Variants in PCSK6 observed in about 807,000 individuals in gnomAD.
PCSK6 encodes the protein proprotein convertase subtilisin/kexin type 6, also known as paired basic amino acid cleaving enzyme 4.
A neutral mutation model predicts 123.3 loss-of-function variants in PCSK6; 85 were observed. The observed-to-expected ratio is 0.69, with a 90% CI of 0.58 to 0.83. PCSK6 has a LOEUF of 0.83. PCSK6 is among the 40% of genes least tolerant of loss of function. PCSK6 has a pLI of 0.00. For missense variants in PCSK6, 1,191 were observed against 1,282.3 expected, an observed-to-expected ratio of 0.93 and a Z score of 1.09; for synonymous variants, 508 against 516.0, an observed-to-expected ratio of 0.98 and a Z score of 0.21.
At chr15:101,413,005 TGAGGAG>T (rs925761371) in intron 6 of PCSK6, among the ~76,000 whole-genome samples, 1,168 of 106,050 alleles carry the variant, frequency 0.011, 7 homozygotes, top group Admixed American at 0.013. Context: ...GGAGGAGGAG[TGAGGAG>T]GAGGAGGAGG....
intron 6 of PCSK6, among the ~76,000 whole-genome samples, chr15:101,411,680 G>A (rs1266206050): frequency 6.6e-6 from 1 of 152,108 alleles, no homozygotes; most frequent in Non-Finnish European, 1.5e-5. Flanking sequence ...ACAATAAGTA[G>A]GCCAAATACC....
intron 13 of PCSK6, chr15:101,365,102 G>C: frequency 2.8e-6 from 2 of 708,330 alleles, no homozygotes; most frequent in Non-Finnish European, 5.4e-6. Flanking sequence ...GGGTACAAAA[G>C]AATGAGTTTG....
Position 101,427,874 on chromosome 15 carries a change from T to G in PCSK6, c.823+18A>C. 1 of 1,543,534 alleles carries G rather than the reference T, an allele frequency of 6.5e-7. No individual in the cohort carries two copies. Among genetic ancestry groups the G allele is most frequent in the Non-Finnish European group, 8.8e-7 (1 of 1,139,364 alleles). On this transcript the variant is annotated intron_variant, in intron 6 of 21. Coordinates refer to ENST00000611716, the MANE Select transcript of PCSK6 (RefSeq NM_002570.5). Reference sequence around the variant, plus strand: ...GCCCCAGGCCCCTCGGCTCGCAGGCTGCCACGCCCGGCCTTACCTCCTATT... The same window carrying G: ...GCCCCAGGCCCCTCGGCTCGCAGGCGGCCACGCCCGGCCTTACCTCCTATT...
chr15:101,334,192 G>A (rs1179729082), intron 13 of PCSK6: 11 of 151,562 alleles, frequency 7.3e-5, no homozygotes, highest in Non-Finnish European at 1.3e-4. Flanking sequence ...TGTTCTCACC[G>A]CTGCAGCAGT....
intron 13 of PCSK6, among the ~76,000 whole-genome samples, chr15:101,342,475 A>G (rs992573910): frequency 6.6e-6 from 1 of 152,206 alleles, no homozygotes; most frequent in African/African-American, 2.4e-5. Context: ...GGAACAGAGT[A>G]TTTCATCTTT....
At chr15:101,324,763 C>G (rs1390981977) in intron 17 of PCSK6, 87 bp downstream of exon 17, 2 of 1,119,970 alleles carry the variant, frequency 1.8e-6, no homozygotes. Context: ...AAGCAGAAGG[C>G]TGGGAAATTC....
At chr15:101,362,625 CCAA>C (rs1179401929) in intron 13 of PCSK6, among the ~76,000 whole-genome samples, 1 of 152,142 alleles carries the variant, frequency 6.6e-6, no homozygotes, top group African/African-American at 2.4e-5. Context: ...GGGTGAGCTG[CCAA>C]CGTCGCTGTG....
At chr15:101,424,531 C>T (rs188525993) in intron 6 of PCSK6, among the ~76,000 whole-genome samples, 1 of 152,100 alleles carries the variant, frequency 6.6e-6, no homozygotes, top group South Asian at 2.1e-4. Context: ...TCAATAAATA[C>T]CAAAGAGCCT....
Position 101,427,473 on chromosome 15 carries a change from G to A in PCSK6, c.823+419C>T, listed in dbSNP as rs148486230. 3.4e-4 allele frequency among the ~76,000 whole-genome samples: 52 copies of A among 152,298 alleles called. No homozygotes were observed. In the East Asian group the frequency reaches 7.7e-3, roughly 23 times the overall value. ...AGGTCAGAGCAGGGGCAGGAGAAGT[G>A]GGCCAGCAGGCTTGAGTGGGAGTCA... On this transcript the variant is annotated intron_variant, in intron 6 of 21. Transcript: ENST00000611716.
chr15:101,317,569 T>C (rs1052264893), intron 19 of PCSK6, among the ~76,000 whole-genome samples: 1 of 152,222 alleles, frequency 6.6e-6, no homozygotes, highest in Admixed American at 6.5e-5. Context: ...TAAGGCTATG[T>C]TTGAAAACAT....
intron 11 of PCSK6, among the ~76,000 whole-genome samples, chr15:101,375,266 A>G (rs1054196595): frequency 6.6e-6 from 1 of 152,160 alleles, no homozygotes; most frequent in Non-Finnish European, 1.5e-5. Context: ...ATTACTTTTG[A>G]TGATCAAACC....
chr15:101,314,512 A>C (rs2039943204), intron 19 of PCSK6, among the ~76,000 whole-genome samples: 1 of 152,216 alleles, frequency 6.6e-6, no homozygotes, highest in African/African-American at 2.4e-5. Flanking sequence ...GAGGCCTTGC[A>C]GTCTGCTCTG....
intron 2 of PCSK6, among the ~76,000 whole-genome samples, chr15:101,441,748 CT>C (rs1208028783): frequency 6.6e-6 from 1 of 152,210 alleles, no homozygotes; most frequent in Non-Finnish European, 1.5e-5. Flanking sequence ...GATGGGCTTC[CT>C]GCATGCAAAC....
At chr15:101,377,154 A>C (rs2041770944) in intron 11 of PCSK6, among the ~76,000 whole-genome samples, 1 of 152,220 alleles carries the variant, frequency 6.6e-6, no homozygotes, top group African/African-American at 2.4e-5. Context: ...TGGCCTCACC[A>C]GCTTGCCCAG....
At chr15:101,389,611 A>G (rs748866344) in intron 8 of PCSK6, 47 bp from the exon 9 acceptor site, 1 of 1,486,792 alleles carries the variant, frequency 6.7e-7, no homozygotes, top group South Asian at 1.2e-5. Flanking sequence ...AGACAGGCTA[A>G]CTCACTCTGT....
chr15:101,370,520 G>T lies in PCSK6; in HGVS notation c.1536C>A (p.Ser512Arg). ...CVAASDKRPR[S>R]IPLVQVLRTT... ...TCCGCAGCACCTGCACTAAGGGGATGCTCCTGGGGGAGAAGGGAGGGCTCA... is the reference window on the plus strand; with the variant it reads ...TCCGCAGCACCTGCACTAAGGGGATTCTCCTGGGGGAGAAGGGAGGGCTCA... The change falls in exon 12 of 22, where the codon AGC becomes AGA. Residue 512 changes from serine to arginine, a missense_variant. Transcript: ENST00000611716. 6.8e-7 allele frequency: 1 copy of T among 1,479,842 alleles called. No homozygotes were observed. The highest frequency in any genetic ancestry group is 9.0e-7 in the Non-Finnish European group (1 of 1,107,020). 91.7% of individuals were successfully genotyped at this position (1,479,842 alleles called of 1,614,324 possible).
At chr15:101,332,259 C>T (rs535407325) in intron 13 of PCSK6, among the ~76,000 whole-genome samples, 4 of 152,302 alleles carry the variant, frequency 2.6e-5, no homozygotes, top group African/African-American at 9.6e-5. Context: ...CCTGTTCTAT[C>T]GAGCTGCCCT....
intron 1 of PCSK6, among the ~76,000 whole-genome samples, chr15:101,453,796 G>A (rs1162696492): frequency 6.6e-6 from 1 of 152,204 alleles, no homozygotes; most frequent in African/African-American, 2.4e-5. Flanking sequence ...TTATCCTCAA[G>A]AAAGTCTCAT....
intron 16 of PCSK6, among the ~76,000 whole-genome samples, chr15:101,325,482 T>G (rs1306269811): frequency 1.3e-5 from 2 of 152,142 alleles, no homozygotes; most frequent in African/African-American, 4.8e-5. Context: ...GAGAGCCACA[T>G]GGGCACCCGG....
Sources: allele counts gnomAD v4.1 joint callset (sites outside exome capture counted in the v4.1 genomes callset), GRCh38; gene constraint gnomAD v4.1.1; transcripts MANE v1.5; gene names NCBI Gene and HGNC (gene_info 2026-07-23, HGNC 2026-07-21).